The following ZNF536 variants were observed in gnomAD, a reference collection of about 807,000 sequenced individuals.
The protein encoded by ZNF536 is zinc finger protein 536.
A neutral mutation model predicts 84.5 loss-of-function variants in ZNF536; 13 were observed. The observed-to-expected ratio is 0.15, with a 90% CI of 0.10 to 0.24. The LOEUF (loss-of-function observed/expected upper bound fraction) is 0.24, where lower values mean the gene tolerates loss of function less well. ZNF536 is among the 10% of genes least tolerant of loss of function. The pLI, the probability that ZNF536 is intolerant of heterozygous loss-of-function variation, is 1.00. For missense variants in ZNF536, 1,536 were observed against 1,747.5 expected, an observed-to-expected ratio of 0.88 and a Z score of 2.16; for synonymous variants, 811 against 742.5, an observed-to-expected ratio of 1.09 and a Z score of -1.50.
intron 2 of ZNF536, among the ~76,000 whole-genome samples, chr19:30,290,460 T>G (rs780263755): frequency 2.6e-5 from 4 of 152,094 alleles, no homozygotes; most frequent in Non-Finnish European, 5.9e-5. Context: ...TTTGTAGATA[T>G]GGGATCTTTC....
intron 1 of ZNF536, among the ~76,000 whole-genome samples, chr19:30,384,200 C>CT (rs1451368489): frequency 1.8e-5 from 1 of 55,138 alleles, no homozygotes; most frequent in Non-Finnish European, 4.1e-5. Context: ...TCCTTCCTTC[C>CT]TTCCATCCTC....
Position 30,421,682 on chromosome 19 carries a change from G to A in ZNF536, c.-2-21879G>A, listed in dbSNP as rs548422625. 2.6e-4 allele frequency among the ~76,000 whole-genome samples: 40 copies of A among 152,232 alleles called. 1 individual carries two copies. The highest frequency in any genetic ancestry group is 8.7e-4 in the African/African-American group (36 of 41,542). Reference sequence around the variant, plus strand: ...CTGGCCCGGCAAGTTCAGAAGATACGGAGACCCCCGTGTAAAACAACCTAA... The same window carrying A: ...CTGGCCCGGCAAGTTCAGAAGATACAGAGACCCCCGTGTAAAACAACCTAA... On this transcript the variant is annotated intron_variant, in intron 1 of 4. Coordinates refer to ENST00000355537, the MANE Select transcript of ZNF536 (RefSeq NM_014717.3).
intron 1 of ZNF536, among the ~76,000 whole-genome samples, chr19:30,395,071 T>C (rs1023909602): frequency 6.6e-6 from 1 of 152,220 alleles, no homozygotes; most frequent in Non-Finnish European, 1.5e-5. Flanking sequence ...CTTCATGTCA[T>C]TGTACTGAAT....
At chr19:30,566,912 A>C (rs901425496) in intron 1 of ZNF536, among the ~76,000 whole-genome samples, 1 of 115,102 alleles carries the variant, frequency 8.7e-6, no homozygotes, top group African/African-American at 3.4e-5. Flanking sequence ...GGGTCCCCGC[A>C]TGTGGCCTCT....
At chr19:30,674,783 G>T (rs2050692358) in intron 1 of ZNF536, among the ~76,000 whole-genome samples, 1 of 152,192 alleles carries the variant, frequency 6.6e-6, no homozygotes, top group Non-Finnish European at 1.5e-5. Context: ...TTCTTGGTTG[G>T]TATTCGAGGT....
At chr19:30,575,461 T>C (rs961451262) in intron 1 of ZNF536, among the ~76,000 whole-genome samples, 4 of 152,206 alleles carry the variant, frequency 2.6e-5, no homozygotes, top group African/African-American at 7.2e-5. Flanking sequence ...CCACCATCTA[T>C]TGCAGCAAGA....
chr19:30,375,724 A>G (rs1329638399), intron 1 of ZNF536, among the ~76,000 whole-genome samples: 1 of 152,226 alleles, frequency 6.6e-6, no homozygotes, highest in East Asian at 1.9e-4. Flanking sequence ...TGTGGGCCCA[A>G]ATAGATGCGT....
At chr19:30,500,467 T>A (rs929049457) in intron 2 of ZNF536, among the ~76,000 whole-genome samples, 4 of 151,968 alleles carry the variant, frequency 2.6e-5, no homozygotes, top group Non-Finnish European at 5.9e-5. Flanking sequence ...GGGTCTAGAA[T>A]CTCAGCAAGA....
At chr19:30,310,418 G>C (rs772779734) in intron 2 of ZNF536, among the ~76,000 whole-genome samples, 1 of 152,138 alleles carries the variant, frequency 6.6e-6, no homozygotes, top group Non-Finnish European at 1.5e-5. Context: ...TCTTTGTGCC[G>C]AACAAGTCAG....
At chr19:30,516,165 G>A (rs940273522) in intron 2 of ZNF536, among the ~76,000 whole-genome samples, 5 of 152,120 alleles carry the variant, frequency 3.3e-5, no homozygotes, top group Non-Finnish European at 5.9e-5. Context: ...GGGTGGACAT[G>A]TTTGCTGTGG....
intron 1 of ZNF536, among the ~76,000 whole-genome samples, chr19:30,697,496 G>A (rs1180245255): frequency 2.0e-5 from 3 of 152,182 alleles, no homozygotes; most frequent in Non-Finnish European, 2.9e-5. Context: ...TGCACTTTGT[G>A]CTTAAGCATC....
intron 1 of ZNF536, among the ~76,000 whole-genome samples, chr19:30,657,501 G>A (rs565662138): frequency 2.0e-5 from 3 of 152,170 alleles, no homozygotes; most frequent in East Asian, 1.9e-4. Context: ...CTCCGACAAC[G>A]TCTTGATCTT....
chr19:30,454,802 G>A (rs535719568), intron 2 of ZNF536, among the ~76,000 whole-genome samples: 2 of 152,326 alleles, frequency 1.3e-5, no homozygotes, highest in Admixed American at 6.5e-5. Context: ...GGAGGCCGAG[G>A]CAGGTGGATC....
chr19:30,610,736 G>A (rs567537669), intron 1 of ZNF536, among the ~76,000 whole-genome samples: 3 of 152,216 alleles, frequency 2.0e-5, no homozygotes, highest in South Asian at 4.1e-4. Flanking sequence ...CCTGTCACCC[G>A]ACTGTCATTG....
intron 1 of ZNF536, among the ~76,000 whole-genome samples, chr19:30,651,014 A>G (rs1351281090): frequency 1.3e-5 from 2 of 152,258 alleles, no homozygotes; most frequent in Non-Finnish European, 2.9e-5. Context: ...TTCAAAGTAC[A>G]GTCAGAATCT....
rs908346019 is a variant in ZNF536, at chr19:30,557,822, C to A, written c.*658C>A. ...TAAACTTGTACGGGGTGATCGTGTG[C>A]TTTGGAACAGAGTATTGTTGAAGTA... On this transcript the variant is annotated 3_prime_UTR_variant, in exon 5 of 5. Transcript: ENST00000355537. The A allele has an allele frequency of 2.6e-5, 4 of 152,502 alleles. No homozygotes were observed. The highest frequency in any genetic ancestry group is 9.7e-5 in the African/African-American group (4 of 41,388). 9.4% of individuals were successfully genotyped at this position (152,502 alleles called of 1,614,324 possible).
chr19:30,365,921 C>T (rs1472070476), intron 3 of ZNF536, among the ~76,000 whole-genome samples: 4 of 152,072 alleles, frequency 2.6e-5, no homozygotes, highest in Admixed American at 6.6e-5. Flanking sequence ...TTATATAAGC[C>T]TTCATTTTTT....
intron 1 of ZNF536, among the ~76,000 whole-genome samples, chr19:30,383,372 T>A (rs1053634592): frequency 6.6e-6 from 1 of 152,152 alleles, no homozygotes; most frequent in Non-Finnish European, 1.5e-5. Flanking sequence ...GGAAGGTAGA[T>A]CTGTACCTTG....
intron 3 of ZNF536, among the ~76,000 whole-genome samples, chr19:30,365,736 A>G (rs2146945988): frequency 6.6e-6 from 1 of 152,180 alleles, no homozygotes; most frequent in East Asian, 1.9e-4. Context: ...TCCCACACCT[A>G]ATTTTGGAGT....
Sources: gnomAD v4.1 joint callset for allele counts (sites outside exome capture counted in the v4.1 genomes callset) on GRCh38, gnomAD v4.1.1 for gene constraint, MANE v1.5 for transcripts, NCBI Gene and HGNC (gene_info 2026-07-23, HGNC 2026-07-21) for gene names.